The following ZAP70 variants were observed in gnomAD, a reference collection of about 807,000 sequenced individuals.
ZAP70 encodes the protein zeta chain of T cell receptor associated protein kinase 70, also known as tyrosine-protein kinase ZAP-70.
Under a neutral mutation model 65.8 loss-of-function variants are expected in ZAP70, and 27 were observed. That is an observed-to-expected ratio of 0.41 (90% CI 0.30 to 0.57). The LOEUF (loss-of-function observed/expected upper bound fraction) is 0.57. ZAP70 is among the 20% of genes least tolerant of loss of function. The pLI, the probability that ZAP70 is intolerant of heterozygous loss-of-function variation, is 0.28. For missense variants in ZAP70, 696 were observed against 870.5 expected, an observed-to-expected ratio of 0.80 and a Z score of 2.52; for synonymous variants, 363 against 360.8, an observed-to-expected ratio of 1.01 and a Z score of -0.07.
At chr2:97,748,035 G>A in the ZAP70 span, among the ~76,000 whole-genome samples, 9 of 152,028 alleles carry the variant, frequency 5.9e-5, no homozygotes, top group Non-Finnish European at 1.3e-4. Flanking sequence ...AAACACTGAC[G>A]GTGAAATTTC....
At position 97,715,385 on chromosome 2, in the gene ZAP70, A is replaced by G. The variant is rs1676866591; in HGVS notation, c.-22+1391A>G. ...AGTCCCACCCTGTTCCATTGTCTCT[A>G]TCAGCCCCTATCCTCCTGACTCACA... is the stretch of plus-strand genomic sequence containing the variant. On this transcript the variant is annotated intron_variant, in intron 2 of 13. Coordinates refer to ENST00000264972, the MANE Select transcript of ZAP70 (RefSeq NM_001079.4). The surrounding 1 kb of genome is among the most constrained non-coding windows in gnomAD (Gnocchi z 4.1). Among the ~76,000 whole-genome samples the G allele has an allele frequency of 6.6e-6, 1 of 152,190 alleles. No individual in the cohort carries two copies. The highest frequency in any genetic ancestry group is 1.5e-5 in the Non-Finnish European group (1 of 68,030).
rs1392671366 is a variant in ZAP70, at chr2:97,739,739, G to A, written c.*241G>A. 2.0e-5 allele frequency: 12 copies of A among 614,170 alleles called. No individual in the cohort carries two copies. The highest frequency in any genetic ancestry group is 1.2e-4 in the Admixed American group (4 of 33,160). 38.0% of individuals were successfully genotyped at this position (614,170 alleles called of 1,614,324 possible). A position where few individuals can be genotyped will look rare whatever the true frequency, so the allele number is the denominator to read the frequency against. ...AGCCTGTCCTGGGCTGGTGGCTCCC[G>A]GAGGGCCCTGAGCTGAGGGCATTGC... On this transcript the variant is annotated 3_prime_UTR_variant, in exon 14 of 14. Coordinates refer to ENST00000264972, the MANE Select transcript of ZAP70 (RefSeq NM_001079.4).
chr2:97,747,816 T>TG, the ZAP70 span, among the ~76,000 whole-genome samples: 2 of 42,664 alleles, frequency 4.7e-5, no homozygotes, highest in Admixed American at 2.0e-4. Context: ...TGGCACGAGG[T>TG]TTTTTTTTTT....
Position 97,737,931 on chromosome 2 carries a change from T to C in ZAP70, c.1623+34T>C. On this transcript the variant is annotated intron_variant, in intron 12 of 13. Transcript: ENST00000264972. This position sits in a 1 kb window ranked among gnomAD's most constrained non-coding sequence, Gnocchi z 5.0. Reference sequence around the variant, plus strand: ...GGGCAGAGGCAGGTGGGCGGTGTGGTGGGGAGGGGGATGAGGAGGAGGACA... The same window carrying C: ...GGGCAGAGGCAGGTGGGCGGTGTGGCGGGGAGGGGGATGAGGAGGAGGACA... 1 of 1,613,726 alleles carries C rather than the reference T, an allele frequency of 6.2e-7. No individual in the cohort carries two copies. The highest frequency in any genetic ancestry group is 8.5e-7 in the Non-Finnish European group (1 of 1,179,816).
chr2:97,728,745 G>A (rs980704071), intron 4 of ZAP70, among the ~76,000 whole-genome samples: 1 of 152,128 alleles, frequency 6.6e-6, no homozygotes, highest in Non-Finnish European at 1.5e-5. Context: ...CTTTAAGAGA[G>A]TACATTGTCA....
chr2:97,748,966 G>A, the ZAP70 span, among the ~76,000 whole-genome samples: 2 of 148,430 alleles, frequency 1.3e-5, no homozygotes, highest in Non-Finnish European at 3.0e-5. Flanking sequence ...GAGTGCGTTT[G>A]TAGAGGGAGT....
chr2:97,734,752 G>A (rs764695602), intron 9 of ZAP70, 40 bp downstream of exon 9: 2 of 1,608,834 alleles, frequency 1.2e-6, no homozygotes, highest in South Asian at 1.1e-5. Context: ...CCGCCGCCTG[G>A]GGCAGAGGGG....
At position 97,724,224 on chromosome 2, in the gene ZAP70, G is replaced by A. The variant is rs1313032320; in HGVS notation, c.188G>A (p.Arg63His). Reference protein sequence around the residue: ...DVRFHHFPIERQLNGTYAIAG... With the variant: ...DVRFHHFPIEHQLNGTYAIAG... ...CGCTTCCACCACTTTCCCATCGAGC[G>A]CCAGCTCAACGGCACCTACGCCATT... The change falls in exon 3 of 14, where the codon CGC becomes CAC. Residue 63 changes from arginine (R) to histidine (H), a missense_variant. Physicochemically the swap from Arg to His is conservative, Grantham distance 29 (BLOSUM62 0). Around this residue, in one of 3 missense-constraint regions of ZAP70, gnomAD observed 551 missense variants for 630.0 expected, o/e 0.87. Transcript: ENST00000264972. 13 of 1,601,624 alleles carry A rather than the reference G, an allele frequency of 8.1e-6. No homozygotes were observed. Among genetic ancestry groups the A allele is most frequent in the Non-Finnish European group, 1.1e-5 (13 of 1,175,678 alleles).
chr2:97,756,276 T>C, the ZAP70 span: 1 of 152,172 alleles, frequency 6.6e-6, no homozygotes, highest in Non-Finnish European at 1.5e-5. Context: ...GTGGTTTACT[T>C]TGGTGTGAGA....
At chr2:97,734,918 AGGC>A (rs1677795329) in intron 9 of ZAP70, 1 of 747,604 alleles carries the variant, frequency 1.3e-6, no homozygotes, top group Non-Finnish European at 2.1e-6. Flanking sequence ...GGGCAGGGGG[AGGC>A]TGTGGAGCTG....
chr2:97,747,777 G>A, the ZAP70 span, among the ~76,000 whole-genome samples: 2 of 137,598 alleles, frequency 1.5e-5, no homozygotes, highest in African/African-American at 5.5e-5. Flanking sequence ...CCTGCTGTCA[G>A]AAGAGTGTCT....
chr2:97,717,481 TG>T (rs1394664402), intron 2 of ZAP70, among the ~76,000 whole-genome samples: 4 of 141,120 alleles, frequency 2.8e-5, no homozygotes, highest in Non-Finnish European at 4.7e-5. Flanking sequence ...AGCCTCTGGC[TG>T]GGGGGACACG....
intron 3 of ZAP70, chr2:97,724,710 A>G: frequency 6.6e-7 from 1 of 1,513,898 alleles, no homozygotes; most frequent in South Asian, 1.2e-5. Context: ...GGGCCGGGCG[A>G]AGGCGAGGCT....
intron 9 of ZAP70, 52 bp from the exon 10 acceptor site, chr2:97,735,198 G>T: frequency 1.2e-6 from 2 of 1,605,002 alleles, no homozygotes; most frequent in South Asian, 1.1e-5. Flanking sequence ...GTGTGGGGCC[G>T]AGCAGGGCCG....
intron 4 of ZAP70, 84 bp from the exon 5 acceptor site, chr2:97,732,799 T>C: frequency 1.3e-6 from 2 of 1,579,588 alleles, no homozygotes; most frequent in South Asian, 2.3e-5. Context: ...GTGGAGCCCA[T>C]AGGGTGTGTT....
intron 8 of ZAP70, chr2:97,734,011 G>A: frequency 6.5e-6 from 2 of 308,746 alleles, no homozygotes; most frequent in South Asian, 7.8e-5. Flanking sequence ...GAGGCGGGAT[G>A]TGAACCCACG....
chr2:97,733,221 A>AGCAG lies in ZAP70; in HGVS notation c.790+12_790+15dup, dbSNP rs761349565. 191 of 1,612,360 alleles carry AGCAG rather than the reference A, an allele frequency of 1.2e-4. No homozygotes were observed. The highest frequency in any genetic ancestry group is 3.3e-4 in the Middle Eastern group (2 of 5,978). On this transcript the variant is annotated intron_variant, in intron 6 of 13. Coordinates refer to ENST00000264972, the MANE Select transcript of ZAP70 (RefSeq NM_001079.4). ...TGCCAGCAACGCCTCAGGTGACGGC[A>AGCAG]GCAGGCGGGCGGGCGGTGGGCGGGG...
rs966302558 is a variant in ZAP70, at chr2:97,737,153, A to G, written c.1290-320A>G. ...GAGCCATATGTGTGTGCACATGGGG[A>G]TGGGGACAATCAGGCCACATTATCT... On this transcript the variant is annotated intron_variant, in intron 10 of 13. Transcript: ENST00000264972. This position sits in a 1 kb window ranked among gnomAD's most constrained non-coding sequence, Gnocchi z 5.0. Among the ~76,000 whole-genome samples, 3 of 152,064 alleles carry G rather than the reference A, an allele frequency of 2.0e-5. No homozygotes were observed. Among genetic ancestry groups the G allele is most frequent in the Non-Finnish European group, 4.4e-5 (3 of 68,002 alleles).
At chr2:97,753,013 A>G in the ZAP70 span, among the ~76,000 whole-genome samples, 1 of 152,228 alleles carries the variant, frequency 6.6e-6, no homozygotes, top group African/African-American at 2.4e-5. Context: ...GACAAAAAGG[A>G]ATCTTTCTTC....
Sources: gnomAD v4.1 joint callset for allele counts (sites outside exome capture counted in the v4.1 genomes callset) on GRCh38, gnomAD v4.1.1 for gene constraint, gnomAD v4.1.1 regional missense constraint, Gnocchi (gnomAD v3.1) non-coding constraint, MANE v1.5 for transcripts, NCBI Gene and HGNC (gene_info 2026-07-23, HGNC 2026-07-21) for gene names.